The following LINC00305 variants were observed in gnomAD, a reference collection of about 807,000 sequenced individuals.
LINC00305 encodes long intergenic non-protein coding RNA 305.
Position 64,133,864 on chromosome 18 carries a change from T to C in LINC00305, n.314+14911A>G, listed in dbSNP as rs147844710. Among the ~76,000 whole-genome samples, 639 of 152,340 alleles carry C rather than the reference T, an allele frequency of 4.2e-3. 4 individuals are homozygous for C. The highest frequency in any genetic ancestry group is 0.014 in the African/African-American group (590 of 41,574). ...ATCCAAATCTATTATCGTTCTTTTC[T>C]GGCTGAAAACATTCAGTTTTCCCTT... On this transcript the variant is annotated intron_variant and non_coding_transcript_variant, in intron 1 of 3. Coordinates refer to ENST00000666468, the Ensembl canonical transcript of LINC00305.
chr18:64,097,888 G>A (rs2051251383), exon 3 of LINC00305: 1 of 457,912 alleles, frequency 2.2e-6, no homozygotes, highest in African/African-American at 2.0e-5. Context: ...GTCTTCTGAC[G>A]CTTTGCACAT....
chr18:64,116,032 C>T lies in LINC00305; in HGVS notation n.315-17392G>A, dbSNP rs113995733. On this transcript the variant is annotated intron_variant and non_coding_transcript_variant, in intron 1 of 3. Coordinates refer to ENST00000666468, the Ensembl canonical transcript of LINC00305. Reference sequence around the variant, plus strand: ...AACAGATGCCCTAAAATCCCTCCTCCATCCCTAGTCTTAGCTCTTAAAAGC... The same window carrying T: ...AACAGATGCCCTAAAATCCCTCCTCTATCCCTAGTCTTAGCTCTTAAAAGC... Among the ~76,000 whole-genome samples the T allele has an allele frequency of 6.9e-3, 1,046 of 152,288 alleles. 8 individuals carry two copies. The highest frequency in any genetic ancestry group is 0.024 in the African/African-American group (1,013 of 41,554).
At chr18:64,092,154 T>G (rs1201698764) in intron 3 of LINC00305, among the ~76,000 whole-genome samples, 3 of 152,250 alleles carry the variant, frequency 2.0e-5, no homozygotes, top group African/African-American at 7.2e-5. Flanking sequence ...TTGTTTCTCC[T>G]CATTTCTCCT....
intron 1 of LINC00305, among the ~76,000 whole-genome samples, chr18:64,139,203 A>G (rs796642838): frequency 6.6e-6 from 1 of 152,334 alleles, no homozygotes; most frequent in African/African-American, 2.4e-5. Context: ...AAGGAACCAG[A>G]TCTTTAGTGA....
rs115883147 is a variant in LINC00305, at chr18:64,119,847, C to A, written n.315-21207G>T. ...ATCTTCTTTTCTCTGTGGCATCTTTCTCTTATGAGAGTCTTGGGACACAAT... is the reference window on the plus strand; with the variant it reads ...ATCTTCTTTTCTCTGTGGCATCTTTATCTTATGAGAGTCTTGGGACACAAT... On this transcript the variant is annotated intron_variant and non_coding_transcript_variant, in intron 1 of 3. Transcript: ENST00000666468. Among the ~76,000 whole-genome samples the A allele has an allele frequency of 8.7e-3, 1,323 of 152,140 alleles. 25 individuals are homozygous for A. The highest frequency in any genetic ancestry group is 0.03 in the African/African-American group (1,253 of 41,502).
chr18:64,135,744 C>A (rs1599229071), intron 1 of LINC00305, among the ~76,000 whole-genome samples: 1 of 152,096 alleles, frequency 6.6e-6, no homozygotes, highest in South Asian at 2.1e-4. Context: ...CACCACCATG[C>A]CTGGCAATTT....
intron 1 of LINC00305, among the ~76,000 whole-genome samples, chr18:64,114,042 G>A (rs2051326686): frequency 6.6e-6 from 1 of 152,196 alleles, no homozygotes; most frequent in African/African-American, 2.4e-5. Context: ...GACCGAGGCG[G>A]GCGGATCACA....
At position 64,097,565 on chromosome 18, in the gene LINC00305, TA is replaced by T. The variant is rs548016880; in HGVS notation, n.540+268del. 6.9e-3 allele frequency among the ~76,000 whole-genome samples: 1,041 copies of T among 151,884 alleles called. 5 individuals carry two copies. The highest frequency in any genetic ancestry group is 0.02 in the Middle Eastern group (6 of 294). On this transcript the variant is annotated intron_variant and non_coding_transcript_variant, in intron 3 of 3. Coordinates refer to ENST00000666468, the Ensembl canonical transcript of LINC00305. ...TTTCAGATTTGCTTGTTCTTATTATTAAGACTTATGAAAGTTTTTAAAGTAG... is the reference window on the plus strand; with the variant it reads ...TTTCAGATTTGCTTGTTCTTATTATTAGACTTATGAAAGTTTTTAAAGTAG...
intron 1 of LINC00305, among the ~76,000 whole-genome samples, chr18:64,112,998 G>A (rs2051321768): frequency 6.6e-6 from 1 of 152,140 alleles, no homozygotes. Context: ...TATTTTATAG[G>A]TTGGAAACTG....
At chr18:64,135,971 G>T (rs556084877) in intron 1 of LINC00305, among the ~76,000 whole-genome samples, 1 of 152,174 alleles carries the variant, frequency 6.6e-6, no homozygotes, top group Non-Finnish European at 1.5e-5. Flanking sequence ...AGGGACGGAC[G>T]TGGAGGACTT....
intron 3 of LINC00305, among the ~76,000 whole-genome samples, chr18:64,087,610 T>C (rs1338693021): frequency 6.6e-6 from 1 of 152,156 alleles, no homozygotes; most frequent in Non-Finnish European, 1.5e-5. Flanking sequence ...CTCAAAGAAA[T>C]CTGTTAAATA....
intron 1 of LINC00305, among the ~76,000 whole-genome samples, chr18:64,105,901 A>G (rs952892710): frequency 6.6e-6 from 1 of 152,238 alleles, no homozygotes; most frequent in Non-Finnish European, 1.5e-5. Flanking sequence ...AGCAGTTATG[A>G]GTGAAAATGG....
At position 64,122,109 on chromosome 18, in the gene LINC00305, G is replaced by A. The variant is rs1008697970; in HGVS notation, n.315-23469C>T. On this transcript the variant is annotated intron_variant and non_coding_transcript_variant, in intron 1 of 3. Coordinates refer to ENST00000666468, the Ensembl canonical transcript of LINC00305. ...GAATCCTCTGTCAGATGAATAGTTC[G>A]CAAATATTTTCTCCCATTCTGTAGA... Among the ~76,000 whole-genome samples the A allele has an allele frequency of 3.9e-5, 6 of 152,090 alleles. No homozygotes were observed. In the South Asian group the frequency reaches 8.3e-4, roughly 21 times the overall value.
intron 3 of LINC00305, among the ~76,000 whole-genome samples, chr18:64,081,015 G>C (rs2051183017): frequency 6.6e-6 from 1 of 152,148 alleles, no homozygotes; most frequent in Non-Finnish European, 1.5e-5. Context: ...TTATCTGTGT[G>C]TGTCTGTGTG....
intron 1 of LINC00305, among the ~76,000 whole-genome samples, chr18:64,108,780 C>T (rs896666959): frequency 6.6e-6 from 1 of 152,144 alleles, no homozygotes; most frequent in Non-Finnish European, 1.5e-5. Context: ...GGCTCCAATA[C>T]ATACTTTGAT....
intron 1 of LINC00305, among the ~76,000 whole-genome samples, chr18:64,146,572 T>C (rs901327687): frequency 1.3e-5 from 2 of 152,190 alleles, no homozygotes; most frequent in Non-Finnish European, 2.9e-5. Context: ...ATAACCAGCA[T>C]ACATCACAGA....
intron 1 of LINC00305, among the ~76,000 whole-genome samples, chr18:64,146,362 G>A (rs2051498304): frequency 6.6e-6 from 1 of 152,186 alleles, no homozygotes; most frequent in African/African-American, 2.4e-5. Context: ...CGTATTTTAT[G>A]TAGTTGGACT....
At chr18:64,092,574 A>G (rs1426844424) in intron 3 of LINC00305, among the ~76,000 whole-genome samples, 1 of 152,188 alleles carries the variant, frequency 6.6e-6, no homozygotes, top group Non-Finnish European at 1.5e-5. Context: ...ACAAACAAAC[A>G]AAAAACATTT....
At chr18:64,125,776 G>A (rs1301442668) in intron 1 of LINC00305, among the ~76,000 whole-genome samples, 1 of 152,100 alleles carries the variant, frequency 6.6e-6, no homozygotes, top group African/African-American at 2.4e-5. Context: ...ATGCAACAGT[G>A]TTGGGAGCTG....
Sources: allele counts gnomAD v4.1 joint callset (sites outside exome capture counted in the v4.1 genomes callset), GRCh38; gene constraint gnomAD v4.1.1; transcripts MANE v1.5; gene names NCBI Gene and HGNC (gene_info 2026-07-23, HGNC 2026-07-21).